The following NDUFS1 variants were observed in gnomAD, a reference collection of about 807,000 sequenced individuals.
The protein encoded by NDUFS1 is NADH-ubiquinone oxidoreductase 75 kDa subunit, mitochondrial.
NDUFS1 carries 61 observed loss-of-function variants against 84.4 expected under a neutral mutation model. The observed-to-expected ratio is 0.72, with a 90% CI of 0.59 to 0.89. NDUFS1 has a LOEUF of 0.89. Ranked by LOEUF, NDUFS1 falls within the 40% of genes least tolerant of loss-of-function variation. The pLI is 0.00. For synonymous variants in NDUFS1, 275 were observed against 290.0 expected (o/e 0.95, Z 0.53); for missense variants, 891 against 890.0 (o/e 1.00, Z -0.01).
chr2:206,158,608 A>G (rs577116454), intron 1 of NDUFS1, among the ~76,000 whole-genome samples: 5 of 152,352 alleles, frequency 3.3e-5, no homozygotes, highest in African/African-American at 1.2e-4. Context: ...TAAGTCGGTG[A>G]AAACAAGAAT....
intron 14 of NDUFS1, among the ~76,000 whole-genome samples, chr2:206,131,203 C>T (rs1691499426): frequency 6.6e-6 from 1 of 152,028 alleles, no homozygotes; most frequent in Admixed American, 6.6e-5. Flanking sequence ...CTGTGTGCCC[C>T]AATAGTTCTA....
rs770664540 is a variant in NDUFS1 at position 206,127,946 on chromosome 2, T to C, written c.1735A>G (p.Ile579Val). 6.2e-7 allele frequency: 1 copy of C among 1,614,124 alleles called. No homozygotes were observed. Among genetic ancestry groups the C allele is most frequent in the Non-Finnish European group, 8.5e-7 (1 of 1,180,022 alleles). ...GCTCCTGGGAGAATAACATCAGCTATGGGAGCCCCAACATCACCATGATGT... is the reference window on the plus strand; with the variant it reads ...GCTCCTGGGAGAATAACATCAGCTACGGGAGCCCCAACATCACCATGATGT... ...QGHHGDVGAPIADVILPGAAY... is the reference protein window; with the variant it reads ...QGHHGDVGAPVADVILPGAAY... The change falls in exon 16 of 19, where the codon ATA (isoleucine) becomes GTA (valine). Residue 579 changes from isoleucine to valine, a missense_variant. Coordinates refer to ENST00000233190, the MANE Select transcript of NDUFS1 (RefSeq NM_005006.7).
intron 4 of NDUFS1, 128 bp from the exon 5 acceptor site, chr2:206,149,224 G>A: frequency 1.4e-6 from 1 of 726,968 alleles, no homozygotes; most frequent in Non-Finnish European, 2.2e-6. Context: ...CAAAGAATAG[G>A]GTATTTTTTA....
chr2:206,149,995 G>A, intron 3 of NDUFS1, 70 bp from the exon 4 acceptor site: 3 of 990,968 alleles, frequency 3.0e-6, no homozygotes, highest in Non-Finnish European at 3.2e-6. Context: ...TGTTATTGCT[G>A]AAACACACAC....
At position 206,153,622 on chromosome 2, in the gene NDUFS1, T is replaced by G; in HGVS notation, c.57A>C (p.Gly19=). 1 of 1,536,354 alleles carries G rather than the reference T, an allele frequency of 6.5e-7. No homozygotes were observed. Among genetic ancestry groups the G allele is most frequent in the East Asian group, 2.3e-5 (1 of 44,440 alleles). The change falls in exon 2 of 19, where the codon GGA becomes GGC. Residue 19 remains glycine, a synonymous_variant. Transcript: ENST00000233190. ...CAAATTTAAGAAAATACTCACCACA[T>G]CCTTTAGGAGACTTAGAAAGGCCTA... is the stretch of plus-strand genomic sequence containing the variant. ...ALVGLSKSPK[G]CVRTTATAAS... is the part of the protein sequence containing the mutation.
chr2:206,130,077 G>A lies in NDUFS1; in HGVS notation c.1708+11C>T, dbSNP rs1691445656. ...CTCTCTTTTGTTTCTGGTGTCACAG[G>A]TGATACTTACCTTGATAAATAATGA... On this transcript the variant is annotated intron_variant, in intron 15 of 18. Transcript: ENST00000233190. 3 of 1,613,938 alleles carry A rather than the reference G, an allele frequency of 1.9e-6. No homozygotes were observed. The highest frequency in any genetic ancestry group is 1.1e-5 in the South Asian group (1 of 91,062).
intron 15 of NDUFS1, 116 bp downstream of exon 15, chr2:206,129,972 G>A (rs1691441676): frequency 8.2e-7 from 1 of 1,223,278 alleles, no homozygotes; most frequent in Non-Finnish European, 1.2e-6. Flanking sequence ...GGAGGAGTGG[G>A]GGAGGCAAAA....
intron 4 of NDUFS1, 186 bp downstream of exon 4, chr2:206,149,632 C>T: frequency 1.6e-6 from 1 of 607,356 alleles, no homozygotes; most frequent in Non-Finnish European, 2.9e-6. Flanking sequence ...GTTTGTAAAG[C>T]ACTTCTATCT....
rs769092536 is a variant in NDUFS1 at position 206,126,536 on chromosome 2, T to C, written c.2092+3A>G. 6 of 1,613,848 alleles carry C rather than the reference T, an allele frequency of 3.7e-6. No homozygotes were observed. Among genetic ancestry groups the C allele is most frequent in the Admixed American group, 3.3e-5 (2 of 59,996 alleles). On this transcript the variant is annotated splice_donor_region_variant and intron_variant, in intron 18 of 18. Coordinates refer to ENST00000233190, the MANE Select transcript of NDUFS1 (RefSeq NM_005006.7). ...TGGCAGAGTCATGTTGACAATTACA[T>C]ACCTGTCATGTAGAAGTCTTTTATA...
intron 5 of NDUFS1, among the ~76,000 whole-genome samples, chr2:206,148,677 A>G (rs1235777820): frequency 6.6e-6 from 1 of 152,204 alleles, no homozygotes; most frequent in Non-Finnish European, 1.5e-5. Flanking sequence ...AAAGTTGCTG[A>G]ATGGTCCTCA....
intron 5 of NDUFS1, among the ~76,000 whole-genome samples, chr2:206,148,370 G>A (rs1351238370): frequency 6.6e-6 from 1 of 152,024 alleles, no homozygotes; most frequent in East Asian, 1.9e-4. Context: ...TGTTGCCCAG[G>A]CTGGACTCGA....
At chr2:206,154,122 G>A (rs1349819016) in intron 1 of NDUFS1, among the ~76,000 whole-genome samples, 1 of 152,152 alleles carries the variant, frequency 6.6e-6, no homozygotes, top group Non-Finnish European at 1.5e-5. Context: ...TCTACTAAAT[G>A]TTCCTGAGAT....
chr2:206,159,403 A>G lies in NDUFS1; in HGVS notation c.-67T>C. 2.0e-6 allele frequency: 1 copy of G among 507,826 alleles called. No individual in the cohort carries two copies. The highest frequency in any genetic ancestry group is 2.8e-5 in the South Asian group (1 of 35,256). The allele number at this position is 507,826 out of a possible 1,614,324, so 31.5% of individuals were successfully genotyped here. A position where few individuals can be genotyped will look rare whatever the true frequency, so the allele number is the denominator to read the frequency against. On this transcript the variant is annotated 5_prime_UTR_variant, in exon 1 of 19. Coordinates refer to ENST00000233190, the MANE Select transcript of NDUFS1 (RefSeq NM_005006.7). ...GTCTGGACCACGACGACCCCCTAGG[A>G]GGCCGGGTCGCTTATTCAATATGGC...
At chr2:206,158,513 A>G (rs372999213) in intron 1 of NDUFS1, among the ~76,000 whole-genome samples, 15 of 152,354 alleles carry the variant, frequency 9.8e-5, no homozygotes, top group African/African-American at 3.6e-4. Flanking sequence ...AATAACGGTT[A>G]AGTGAACTGA....
chr2:206,123,529 T>C lies in NDUFS1; in HGVS notation c.*656A>G, dbSNP rs960681556. ...CTTTGGAGTAAATAAGAAGTAGGTTTGAGTTGGTGACTTTTGCTGTGTGGC... is the reference window on the plus strand; with the variant it reads ...CTTTGGAGTAAATAAGAAGTAGGTTCGAGTTGGTGACTTTTGCTGTGTGGC... On this transcript the variant is annotated 3_prime_UTR_variant, in exon 19 of 19. Coordinates refer to ENST00000233190, the MANE Select transcript of NDUFS1 (RefSeq NM_005006.7). 8 of 152,180 alleles carry C rather than the reference T, an allele frequency of 5.3e-5. No individual in the cohort carries two copies. Among genetic ancestry groups the C allele is most frequent in the African/African-American group, 1.9e-4 (8 of 41,444 alleles). The allele number at this position is 152,180 out of a possible 1,614,324, so 9.4% of individuals were successfully genotyped here. A position where few individuals can be genotyped will look rare whatever the true frequency, so the allele number is the denominator to read the frequency against.
At chr2:206,128,355 C>T (rs1691375114) in intron 15 of NDUFS1, among the ~76,000 whole-genome samples, 1 of 151,866 alleles carries the variant, frequency 6.6e-6, no homozygotes, top group Admixed American at 6.6e-5. Flanking sequence ...TTAGTAGAGA[C>T]AGGGTTTCAC....
Position 206,114,919 on chromosome 2 carries a change from GTC to G in NDUFS1, c.*9264_*9265del, listed in dbSNP as rs1314833496. On this transcript the variant is annotated 3_prime_UTR_variant, in exon 19 of 19. Transcript: ENST00000233190. ...ACACATTATTGTACACTTAATTTAT[GTC>G]CTTAATACATTCTGAAGCACTTTCC... is the stretch of plus-strand genomic sequence containing the variant. The G allele has an allele frequency of 6.6e-6, 1 of 152,082 alleles. No individual in the cohort carries two copies. The highest frequency in any genetic ancestry group is 2.4e-5 in the African/African-American group (1 of 41,416). The allele number at this position is 152,082 out of a possible 1,614,324, so 9.4% of individuals were successfully genotyped here.
chr2:206,133,950 G>A (rs1039056922), intron 13 of NDUFS1, among the ~76,000 whole-genome samples: 5 of 152,170 alleles, frequency 3.3e-5, no homozygotes, highest in Admixed American at 2.6e-4. Context: ...ACTGCACTCC[G>A]TCTGGGCAAC....
At chr2:206,152,776 C>T (rs1218797327) in intron 2 of NDUFS1, among the ~76,000 whole-genome samples, 4 of 148,410 alleles carry the variant, frequency 2.7e-5, no homozygotes, top group Non-Finnish European at 5.9e-5. Flanking sequence ...GCCATCTTGG[C>T]TCACTACAAC....
Sources: allele counts gnomAD v4.1 joint callset (sites outside exome capture counted in the v4.1 genomes callset), GRCh38; gene constraint gnomAD v4.1.1; transcripts MANE v1.5; gene names NCBI Gene and HGNC (gene_info 2026-07-23, HGNC 2026-07-21).